GIPC2: variants seen among roughly 807,000 people sequenced by gnomAD.
GIPC2 encodes the protein GIPC PDZ domain containing family member 2.
In GIPC2, 30 loss-of-function variants were observed where a neutral mutation model predicts 30.6. The ratio of observed to expected loss-of-function variants is 0.98; its 90% CI spans 0.73 to 1.33. The LOEUF (loss-of-function observed/expected upper bound fraction) is 1.33. GIPC2 is among the 40% of genes most tolerant of loss of function. GIPC2 has a pLI of 0.00. For synonymous variants in GIPC2, 167 were observed against 150.0 expected (o/e 1.11, Z -0.83); for missense variants, 414 against 390.3 (o/e 1.06, Z -0.51).
intron 4 of GIPC2, among the ~76,000 whole-genome samples, chr1:78,123,747 T>C (rs1446276212): frequency 6.6e-6 from 1 of 152,138 alleles, no homozygotes; most frequent in Non-Finnish European, 1.5e-5. Context: ...AATGGTAAAA[T>C]ATTGGTGGCC....
chr1:78,052,477 C>G (rs1661214714), intron 1 of GIPC2, among the ~76,000 whole-genome samples: 1 of 152,098 alleles, frequency 6.6e-6, no homozygotes, highest in African/African-American at 2.4e-5. Flanking sequence ...AACCTAGTGT[C>G]TTTAGCATAA....
intron 1 of GIPC2, 100 bp downstream of exon 1, chr1:78,046,434 A>G (rs1661088481): frequency 1.7e-6 from 2 of 1,146,612 alleles, no homozygotes; most frequent in Non-Finnish European, 2.5e-6. Context: ...CGTTTCCCGG[A>G]GCGCGAAATC....
chr1:78,078,523 G>A (rs1661761558), intron 1 of GIPC2, among the ~76,000 whole-genome samples: 1 of 152,162 alleles, frequency 6.6e-6, no homozygotes, highest in Admixed American at 6.5e-5. Context: ...TGCCCTGCTT[G>A]CCAACTTTTG....
At chr1:78,106,882 G>T (rs1368096925) in intron 3 of GIPC2, among the ~76,000 whole-genome samples, 2 of 151,860 alleles carry the variant, frequency 1.3e-5, no homozygotes, top group Admixed American at 6.6e-5. Flanking sequence ...CTCCATGTTG[G>T]TCAGGCTGGT....
At chr1:78,073,579 C>T (rs1004005379) in intron 1 of GIPC2, among the ~76,000 whole-genome samples, 3 of 152,146 alleles carry the variant, frequency 2.0e-5, no homozygotes, top group South Asian at 2.1e-4. Context: ...GTAACTCTAG[C>T]TGCATAAGCC....
chr1:78,091,045 T>C (rs1388946890), intron 2 of GIPC2, among the ~76,000 whole-genome samples: 2 of 152,240 alleles, frequency 1.3e-5, no homozygotes, highest in African/African-American at 2.4e-5. Flanking sequence ...CTTTGTACTT[T>C]AGGTCAGAAG....
chr1:78,094,826 TC>T, intron 2 of GIPC2, 125 bp from the exon 3 acceptor site: 1 of 606,054 alleles, frequency 1.7e-6, no homozygotes, highest in East Asian at 2.6e-5. Flanking sequence ...CATCTGATAT[TC>T]CCAGGCAGTC....
intron 1 of GIPC2, among the ~76,000 whole-genome samples, chr1:78,069,909 C>T (rs1301798057): frequency 1.3e-5 from 2 of 152,156 alleles, no homozygotes; most frequent in Non-Finnish European, 2.9e-5. Flanking sequence ...GTCAGAATTC[C>T]TGTTGTAGGG....
At chr1:78,065,041 G>A (rs900399816) in intron 1 of GIPC2, among the ~76,000 whole-genome samples, 1 of 151,896 alleles carries the variant, frequency 6.6e-6, no homozygotes, top group African/African-American at 2.4e-5. Context: ...CACTGTGCCC[G>A]GCCCTCACTG....
chr1:78,076,824 A>C (rs1043909361), intron 1 of GIPC2, among the ~76,000 whole-genome samples: 14 of 152,134 alleles, frequency 9.2e-5, no homozygotes, highest in African/African-American at 3.4e-4. Context: ...GCTGAGGTGC[A>C]GTGGTGCAAT....
intron 1 of GIPC2, among the ~76,000 whole-genome samples, chr1:78,060,677 G>T (rs961033047): frequency 6.6e-6 from 1 of 152,140 alleles, no homozygotes; most frequent in Non-Finnish European, 1.5e-5. Flanking sequence ...CACAGTAAAT[G>T]ATTATTTTAG....
At chr1:78,117,417 A>G (rs938121212) in intron 3 of GIPC2, among the ~76,000 whole-genome samples, 5 of 152,134 alleles carry the variant, frequency 3.3e-5, no homozygotes, top group African/African-American at 4.8e-5. Context: ...TTTTCCACAG[A>G]TGGGGCAGGC....
At position 78,059,620 on chromosome 1, in the gene GIPC2, C is replaced by G. The variant is rs371915460; in HGVS notation, c.240+13286C>G. 1.1e-4 allele frequency among the ~76,000 whole-genome samples: 17 copies of G among 152,094 alleles called. No homozygotes were observed. The East Asian group carries it at 1.6e-3, about 14-fold the overall frequency. ...GAGTAAGGCATGGTGATGTGTGCCT[C>G]TAGTTCCAGCTGTAGTCCCAAGTTG... On this transcript the variant is annotated intron_variant, in intron 1 of 5. Coordinates refer to ENST00000370759, the MANE Select transcript of GIPC2 (RefSeq NM_017655.6).
chr1:78,112,811 G>C (rs1250619424), intron 3 of GIPC2, among the ~76,000 whole-genome samples: 10 of 152,128 alleles, frequency 6.6e-5, no homozygotes, highest in Admixed American at 5.9e-4. Flanking sequence ...CTAGGGGTTT[G>C]CTTGTTTATT....
chr1:78,063,979 A>G (rs1295031234), intron 1 of GIPC2, among the ~76,000 whole-genome samples: 1 of 152,098 alleles, frequency 6.6e-6, no homozygotes, highest in East Asian at 1.9e-4. Flanking sequence ...TTAAAATAAG[A>G]GATATTAATG....
chr1:78,086,501 C>T (rs1433210946), intron 2 of GIPC2, among the ~76,000 whole-genome samples: 2 of 152,136 alleles, frequency 1.3e-5, no homozygotes, highest in Non-Finnish European at 2.9e-5. Flanking sequence ...CCTCAATGAT[C>T]TGTCTACTAC....
intron 5 of GIPC2, among the ~76,000 whole-genome samples, chr1:78,129,286 T>C (rs1018161099): frequency 2.4e-4 from 36 of 152,194 alleles, no homozygotes; most frequent in African/African-American, 8.0e-4. Flanking sequence ...GGAATTTCTT[T>C]CATTATTCAG....
intron 5 of GIPC2, among the ~76,000 whole-genome samples, chr1:78,127,349 T>C (rs139544455): frequency 1.8e-3 from 276 of 152,344 alleles, no homozygotes; most frequent in African/African-American, 6.2e-3. Flanking sequence ...AGGTTGACTT[T>C]AGAGTCAGAA....
intron 5 of GIPC2, among the ~76,000 whole-genome samples, chr1:78,129,661 A>G (rs1662853563): frequency 6.6e-6 from 1 of 152,236 alleles, no homozygotes; most frequent in Non-Finnish European, 1.5e-5. Context: ...GCCAGTGTCA[A>G]CATGGGTCAC....
Sources: allele counts gnomAD v4.1 joint callset (sites outside exome capture counted in the v4.1 genomes callset), GRCh38; gene constraint gnomAD v4.1.1; transcripts MANE v1.5; gene names NCBI Gene and HGNC (gene_info 2026-07-23, HGNC 2026-07-21).